The following ANKRD28 variants were observed in gnomAD, a reference collection of about 807,000 sequenced individuals.
The protein encoded by ANKRD28 is ankyrin repeat domain 28.
ANKRD28 carries 44 observed loss-of-function variants against 126.5 expected under a neutral mutation model. The ratio of observed to expected loss-of-function variants is 0.35; its 90% CI spans 0.27 to 0.45. The LOEUF is 0.45. Among genes scored for constraint, ANKRD28 ranks in the 20% least tolerant of loss-of-function variants. The pLI, the probability that ANKRD28 is intolerant of heterozygous loss-of-function variation, is 1.00. For missense variants in ANKRD28, 1,110 were observed against 1,316.6 expected (o/e 0.84, Z 2.43); for synonymous variants, 442 against 468.5 (o/e 0.94, Z 0.73).
intron 21 of ANKRD28, 29 bp downstream of exon 21, chr3:15,685,197 T>C (rs2067971884): frequency 6.3e-7 from 1 of 1,586,642 alleles, no homozygotes; most frequent in African/African-American, 1.3e-5. Flanking sequence ...CACTACACAA[T>C]GATATGCATT....
intron 1 of ANKRD28, among the ~76,000 whole-genome samples, chr3:15,840,979 A>G (rs1246647345): frequency 6.6e-6 from 1 of 152,192 alleles, no homozygotes; most frequent in African/African-American, 2.4e-5. Context: ...TGTCTCTACT[A>G]CAAATACAAA....
intron 25 of ANKRD28, 129 bp downstream of exon 25, chr3:15,677,351 C>G: frequency 1.5e-6 from 1 of 680,676 alleles, no homozygotes; most frequent in East Asian, 2.8e-5. Context: ...CAATTTTGTT[C>G]AAGAAATCTA....
At position 15,812,536 on chromosome 3, in the gene ANKRD28, A is replaced by G. The variant is rs17041542; in HGVS notation, c.28-17230T>C. On this transcript the variant is annotated intron_variant, in intron 1 of 27. Coordinates refer to the ANKRD28 transcript ENST00000399451. The surrounding 1 kb of genome is among the most constrained non-coding windows in gnomAD (Gnocchi z 4.1). ...CTATATAATACTGAGGGTATCTGCT[A>G]TTTGTTACCATTTTCTTAATCAAAT... Among the ~76,000 whole-genome samples, 13,555 of 152,230 alleles carry G rather than the reference A, an allele frequency of 0.089. 665 individuals are homozygous for G. The highest frequency in any genetic ancestry group is 0.12 in the African/African-American group (4,819 of 41,542).
At chr3:15,752,777 C>T (rs2057935620) in intron 3 of ANKRD28, among the ~76,000 whole-genome samples, 1 of 152,154 alleles carries the variant, frequency 6.6e-6, no homozygotes, top group Non-Finnish European at 1.5e-5. Flanking sequence ...TTCATACTTC[C>T]TAACGCTTAC....
intron 1 of ANKRD28, among the ~76,000 whole-genome samples, chr3:15,856,366 CT>C (rs1381236204): frequency 2.0e-5 from 3 of 152,162 alleles, no homozygotes; most frequent in Admixed American, 2.0e-4. Flanking sequence ...GGTTGTGAGT[CT>C]GTGATCCCTA....
At chr3:15,721,156 T>TA (rs774733737) in intron 7 of ANKRD28, 29 bp from the exon 8 acceptor site, 8 of 1,579,178 alleles carry the variant, frequency 5.1e-6, no homozygotes, top group Non-Finnish European at 6.9e-6. Flanking sequence ...ATGCGAATGT[T>TA]AAAGTAGTTT....
At chr3:15,823,843 G>A (rs2060999507) in intron 1 of ANKRD28, among the ~76,000 whole-genome samples, 1 of 152,066 alleles carries the variant, frequency 6.6e-6, no homozygotes, top group Non-Finnish European at 1.5e-5. Flanking sequence ...CAAAGAAAAA[G>A]CATTTATAAA....
intron 3 of ANKRD28, among the ~76,000 whole-genome samples, chr3:15,758,388 G>C (rs1018382819): frequency 2.0e-5 from 3 of 152,144 alleles, no homozygotes; most frequent in Admixed American, 6.6e-5. Context: ...AAAAATAGCT[G>C]CTGCACTGTA....
At chr3:15,777,849 T>TACACACAAACACACAC (rs2059357801) in intron 2 of ANKRD28, among the ~76,000 whole-genome samples, 1 of 106,136 alleles carries the variant, frequency 9.4e-6, no homozygotes, top group African/African-American at 3.2e-5. Context: ...AAAACCAAAC[T>TACACACAAACACACAC]ACACACACAC....
At chr3:15,728,154 T>C (rs76533598) in intron 6 of ANKRD28, among the ~76,000 whole-genome samples, 2 of 124,922 alleles carry the variant, frequency 1.6e-5, no homozygotes, top group Non-Finnish European at 3.6e-5. Context: ...ATAGTTAGCA[T>C]TTTTTTTTAG....
intron 14 of ANKRD28, among the ~76,000 whole-genome samples, chr3:15,699,473 A>C (rs2070215783): frequency 6.6e-6 from 1 of 152,222 alleles, no homozygotes; most frequent in African/African-American, 2.4e-5. Flanking sequence ...GAATGGGAGA[A>C]AATTTTTGCA....
At chr3:15,787,974 C>T (rs1303636502) in intron 2 of ANKRD28, among the ~76,000 whole-genome samples, 2 of 152,112 alleles carry the variant, frequency 1.3e-5, no homozygotes, top group South Asian at 4.1e-4. Flanking sequence ...GTAACACTTT[C>T]AAAAATATTA....
At chr3:15,851,012 G>A (rs990328678) in intron 1 of ANKRD28, among the ~76,000 whole-genome samples, 3 of 152,214 alleles carry the variant, frequency 2.0e-5, no homozygotes, top group Admixed American at 2.0e-4. Context: ...GTACACTGGA[G>A]AATTTGCTGA....
intron 7 of ANKRD28, among the ~76,000 whole-genome samples, chr3:15,723,177 T>C (rs1203713865): frequency 6.6e-6 from 1 of 152,180 alleles, no homozygotes; most frequent in Non-Finnish European, 1.5e-5. Flanking sequence ...GAAACAGAGG[T>C]ACAGGAATTG....
chr3:15,810,030 G>A (rs1559562987), intron 1 of ANKRD28, among the ~76,000 whole-genome samples: 2 of 152,106 alleles, frequency 1.3e-5, no homozygotes, highest in Admixed American at 1.3e-4. Context: ...TTAGACAGCA[G>A]CGAGATCATG....
rs564773065 is a variant in ANKRD28 at position 15,766,409 on chromosome 3, A to G, written c.202-97T>C. On this transcript the variant is annotated intron_variant, in intron 2 of 27. Coordinates refer to ENST00000683139, the MANE Select transcript of ANKRD28 (RefSeq NM_001349278.2). ...CAACAACAACCCCTCCCCCCACCAA[A>G]CCATTATTAACTATCAACTTATTAC... is the stretch of plus-strand genomic sequence containing the variant. The G allele has an allele frequency of 1.1e-5, 9 of 786,782 alleles. No homozygotes were observed. In the East Asian group the frequency reaches 2.2e-4, roughly 19 times the overall value. 48.7% of individuals were successfully genotyped at this position (786,782 alleles called of 1,614,324 possible). A position where few individuals can be genotyped will look rare whatever the true frequency, so the allele number is the denominator to read the frequency against.
intron 7 of ANKRD28, among the ~76,000 whole-genome samples, chr3:15,721,361 A>G (rs534769048): frequency 2.6e-5 from 4 of 152,334 alleles, no homozygotes; most frequent in South Asian, 2.1e-4. Context: ...CACATACACA[A>G]TGTCTACTTC....
chr3:15,699,449 A>G (rs930968031), intron 14 of ANKRD28, among the ~76,000 whole-genome samples: 2 of 152,208 alleles, frequency 1.3e-5, no homozygotes, highest in Non-Finnish European at 2.9e-5. Flanking sequence ...ATCAGAGTGA[A>G]CAGGCAATCT....
In ANKRD28 at chr3:15,678,361, TA is replaced by T; in HGVS notation, c.2562-8del. 1 of 1,584,320 alleles carries T rather than the reference TA, an allele frequency of 6.3e-7. No individual in the cohort carries two copies. Among genetic ancestry groups the T allele is most frequent in the Non-Finnish European group, 8.5e-7 (1 of 1,170,732 alleles). ...GGCTGCATGGAGAGGAGTTCTGTGA[TA>T]AAGAAAAATTGAAATATATGACTAA... On this transcript the variant is annotated splice_region_variant and splice_polypyrimidine_tract_variant and intron_variant, in intron 23 of 27. Transcript: ENST00000683139.
Sources: allele counts gnomAD v4.1 joint callset (sites outside exome capture counted in the v4.1 genomes callset), GRCh38; gene constraint gnomAD v4.1.1; non-coding constraint Gnocchi (gnomAD v3.1); transcripts MANE v1.5; gene names NCBI Gene and HGNC (gene_info 2026-07-23, HGNC 2026-07-21).